USP34: variants seen among roughly 807,000 people sequenced by gnomAD.
The protein encoded by USP34 is ubiquitin carboxyl-terminal hydrolase 34.
Under a neutral mutation model 460.3 loss-of-function variants are expected in USP34, and 70 were observed. The ratio of observed to expected loss-of-function variants is 0.15; its 90% CI spans 0.13 to 0.19. The LOEUF is 0.19. USP34 is among the 10% of genes least tolerant of loss of function. The pLI is 1.00. For missense variants in USP34, 3,985 were observed against 4,236.2 expected, an observed-to-expected ratio of 0.94 and a Z score of 1.65; for synonymous variants, 1,647 against 1,405.3, an observed-to-expected ratio of 1.17 and a Z score of -3.85.
At chr2:61,364,065 T>C (rs754853350) in intron 10 of USP34, among the ~76,000 whole-genome samples, 30 of 152,256 alleles carry the variant, frequency 2.0e-4, no homozygotes, top group Admixed American at 5.9e-4. Context: ...GGCAAACTCA[T>C]GGAGACAGAA....
At chr2:61,397,241 T>G (rs1049314857) in intron 3 of USP34, among the ~76,000 whole-genome samples, 1 of 148,954 alleles carries the variant, frequency 6.7e-6, no homozygotes, top group East Asian at 2.0e-4. Context: ...TCAAGAGTTC[T>G]AGACCAGTCT....
At chr2:61,443,766 G>C (rs1165573919) in intron 1 of USP34, among the ~76,000 whole-genome samples, 2 of 152,154 alleles carry the variant, frequency 1.3e-5, no homozygotes, top group African/African-American at 2.4e-5. Flanking sequence ...TTACACATTT[G>C]TCAAACCCCA....
intron 53 of USP34, among the ~76,000 whole-genome samples, chr2:61,240,808 A>C (rs981338028): frequency 2.7e-5 from 4 of 149,232 alleles, no homozygotes; most frequent in Non-Finnish European, 5.9e-5. Context: ...TCCTGGCCTC[A>C]CGTGATCCAC....
chr2:61,227,024 A>C, intron 62 of USP34, 43 bp downstream of exon 62: 1 of 1,549,932 alleles, frequency 6.5e-7, no homozygotes, highest in Non-Finnish European at 8.7e-7. Context: ...AAAAATAATA[A>C]AACCAAACAT....
chr2:61,378,280 T>C (rs1692854404), intron 8 of USP34, 83 bp downstream of exon 8: 1 of 1,071,492 alleles, frequency 9.3e-7, no homozygotes, highest in East Asian at 2.8e-5. Context: ...GTAAAAATTT[T>C]AAATCTAAAA....
intron 44 of USP34, among the ~76,000 whole-genome samples, chr2:61,258,301 G>A (rs1411301843): frequency 6.6e-6 from 1 of 152,172 alleles, no homozygotes; most frequent in Non-Finnish European, 1.5e-5. Flanking sequence ...TCTAGCCTGG[G>A]TGACAGAGTG....
intron 22 of USP34, 92 bp from the exon 23 acceptor site, chr2:61,317,859 A>G: frequency 1.2e-6 from 1 of 826,426 alleles, no homozygotes; most frequent in Non-Finnish European, 1.9e-6. Flanking sequence ...AAAACACTGT[A>G]GAAGGAAACA....
At chr2:61,197,585 T>C (rs948325780) in intron 75 of USP34, among the ~76,000 whole-genome samples, 23 of 152,172 alleles carry the variant, frequency 1.5e-4, no homozygotes, top group African/African-American at 5.6e-4. Flanking sequence ...ACCTGTACTA[T>C]TGTTTACTTA....
intron 41 of USP34, among the ~76,000 whole-genome samples, chr2:61,273,785 GAACA>G (rs1021002288): frequency 2.6e-5 from 4 of 151,876 alleles, no homozygotes; most frequent in African/African-American, 4.8e-5. Flanking sequence ...ATTGGTGAAT[GAACA>G]AACAAATCAA....
At chr2:61,328,797 G>A (rs971602321) in intron 20 of USP34, among the ~76,000 whole-genome samples, 4 of 152,126 alleles carry the variant, frequency 2.6e-5, no homozygotes, top group African/African-American at 9.7e-5. Flanking sequence ...GATACTTAAC[G>A]TTGGACTTTC....
chr2:61,209,737 C>A (rs537134993), intron 69 of USP34, among the ~76,000 whole-genome samples: 6 of 152,262 alleles, frequency 3.9e-5, no homozygotes, highest in Non-Finnish European at 8.8e-5. Context: ...TGTAAAACAG[C>A]CTTAGACAGG....
intron 23 of USP34, among the ~76,000 whole-genome samples, chr2:61,315,180 T>C (rs1362984580): frequency 5.9e-5 from 9 of 152,208 alleles, no homozygotes; most frequent in African/African-American, 2.2e-4. Context: ...TAACAATATA[T>C]ACATGTTTAA....
intron 41 of USP34, among the ~76,000 whole-genome samples, chr2:61,271,370 ATTAT>A (rs993892074): frequency 4.3e-4 from 66 of 152,270 alleles, no homozygotes; most frequent in African/African-American, 1.4e-3. Flanking sequence ...TTTAATAACT[ATTAT>A]TTATTTCCAT....
rs909650393 is a variant in USP34 at position 61,398,968 on chromosome 2, C to T, written c.553-3735G>A. Among the ~76,000 whole-genome samples the T allele has an allele frequency of 7.2e-5, 11 of 152,102 alleles. No homozygotes were observed. The East Asian group carries it at 1.5e-3, about 21-fold the overall frequency. On this transcript the variant is annotated intron_variant, in intron 3 of 79. Transcript: ENST00000398571. ...CAAAAAGTCCAGAATTTAAGACCTC[C>T]TGTGGTATTGTTAAATACAGAATCA...
Position 61,241,603 on chromosome 2 carries a change from T to C in USP34, c.6734A>G (p.Asn2245Ser). Residue 2245 changes from asparagine to serine, a missense_variant, in exon 53 of 80, where the codon AAT (asparagine) becomes AGT (serine). Transcript: ENST00000398571. ...FYKRMEPEEE[N>S]GREYKFDVSS... ...AACATCAAATTTGTATTCTCTGCCATTTTCTTCCTCTGGTTCCATGCGTTT... is the reference window on the plus strand; with the variant it reads ...AACATCAAATTTGTATTCTCTGCCACTTTCTTCCTCTGGTTCCATGCGTTT... 2 of 1,610,664 alleles carry C rather than the reference T, an allele frequency of 1.2e-6. No individual in the cohort carries two copies. Among genetic ancestry groups the C allele is most frequent in the African/African-American group, 1.3e-5 (1 of 74,776 alleles).
intron 10 of USP34, among the ~76,000 whole-genome samples, chr2:61,365,656 GGATT>G (rs200057716): frequency 4.5e-4 from 69 of 152,190 alleles, no homozygotes; most frequent in African/African-American, 1.5e-3. Flanking sequence ...TGAGGAAAAA[GGATT>G]TGTCAGAGTC....
At chr2:61,353,767 G>C (rs1478306094) in intron 10 of USP34, among the ~76,000 whole-genome samples, 1 of 152,064 alleles carries the variant, frequency 6.6e-6, no homozygotes, top group East Asian at 1.9e-4. Context: ...CTCAAAGATA[G>C]TAAGAGTAAA....
intron 75 of USP34, chr2:61,193,934 C>T (rs1165205318): frequency 4.8e-6 from 1 of 210,316 alleles, no homozygotes; most frequent in East Asian, 1.8e-4. Context: ...GTGTGGCTGT[C>T]TTTCAGTAAA....
intron 1 of USP34, among the ~76,000 whole-genome samples, chr2:61,458,469 G>C (rs1695501287): frequency 1.3e-5 from 2 of 150,330 alleles, no homozygotes; most frequent in African/African-American, 4.9e-5. Context: ...GCTGAGGCAG[G>C]AGAATCATTT....
Sources: gnomAD v4.1 joint callset for allele counts (sites outside exome capture counted in the v4.1 genomes callset) on GRCh38, gnomAD v4.1.1 for gene constraint, MANE v1.5 for transcripts, NCBI Gene and HGNC (gene_info 2026-07-23, HGNC 2026-07-21) for gene names.